The following CMTM4 variants were observed in gnomAD, a reference collection of about 807,000 sequenced individuals.
The protein encoded by CMTM4 is CKLF like MARVEL transmembrane domain containing 4, also known as CKLF-like MARVEL transmembrane domain-containing protein 4.
A neutral mutation model predicts 19.0 loss-of-function variants in CMTM4; 8 were observed. The ratio of observed to expected loss-of-function variants is 0.42; its 90% CI spans 0.25 to 0.76. The LOEUF is 0.76. CMTM4 is among the 30% of genes least tolerant of loss of function. The pLI, the probability that CMTM4 is intolerant of heterozygous loss-of-function variation, is 0.27. For missense variants in CMTM4, 228 were observed against 290.2 expected, an observed-to-expected ratio of 0.79 and a Z score of 1.56; for synonymous variants, 106 against 121.1, an observed-to-expected ratio of 0.88 and a Z score of 0.82.
At chr16:66,694,080 G>C (rs1399855772) in intron 1 of CMTM4, among the ~76,000 whole-genome samples, 1 of 151,808 alleles carries the variant, frequency 6.6e-6, no homozygotes, top group African/African-American at 2.4e-5. Flanking sequence ...GCGCGAGGGA[G>C]AGAAAGAGAA....
chr16:66,630,694 C>T (rs2015839316), intron 2 of CMTM4, among the ~76,000 whole-genome samples: 1 of 152,164 alleles, frequency 6.6e-6, no homozygotes, highest in Admixed American at 6.5e-5. Flanking sequence ...GCTACAACCT[C>T]CACCTCCCAG....
At chr16:66,637,129 A>G (rs995525968) in intron 1 of CMTM4, among the ~76,000 whole-genome samples, 1 of 152,230 alleles carries the variant, frequency 6.6e-6, no homozygotes, top group Non-Finnish European at 1.5e-5. Flanking sequence ...TTTTCCCCCA[A>G]TTAGGTGGGA....
At chr16:66,604,889 C>A in the CMTM4 span, 1 of 1,437,788 alleles carries the variant, frequency 7.0e-7, no homozygotes, top group Non-Finnish European at 9.1e-7. Flanking sequence ...CCGGGCTCCG[C>A]GCCCTGCTGC....
chr16:66,613,402 C>A, downstream of CMTM4: 1 of 414,980 alleles, frequency 2.4e-6, no homozygotes, highest in East Asian at 3.9e-5. Flanking sequence ...CCCAGCCAAA[C>A]CCTCCTTCTT....
chr16:66,680,790 A>C (rs1207391782), intron 1 of CMTM4, among the ~76,000 whole-genome samples: 3 of 150,394 alleles, frequency 2.0e-5, no homozygotes, highest in Admixed American at 6.6e-5. Flanking sequence ...AAAAAAAAAA[A>C]AAAAAAAAAA....
intron 1 of CMTM4, among the ~76,000 whole-genome samples, chr16:66,679,384 A>C (rs1393616700): frequency 6.6e-6 from 1 of 152,162 alleles, no homozygotes; most frequent in Non-Finnish European, 1.5e-5. Context: ...TCCAAGGAGA[A>C]AGAAGAACTG....
downstream of CMTM4, chr16:66,611,040 A>C (rs2015357391): frequency 2.5e-6 from 1 of 397,276 alleles, no homozygotes. Context: ...GGGACCAATT[A>C]GTAAACGTCA....
At chr16:66,669,642 C>G (rs908643216) in intron 1 of CMTM4, among the ~76,000 whole-genome samples, 1 of 151,970 alleles carries the variant, frequency 6.6e-6, no homozygotes, top group African/African-American at 2.4e-5. Flanking sequence ...CCCAGGTTCA[C>G]GCCATTCTCC....
intron 1 of CMTM4, among the ~76,000 whole-genome samples, chr16:66,695,953 G>C (rs983347860): frequency 6.6e-6 from 1 of 152,200 alleles, no homozygotes; most frequent in African/African-American, 2.4e-5. Context: ...GGCACCGTCC[G>C]GAGGTTGCGC....
At chr16:66,675,550 T>C (rs1362942695) in intron 1 of CMTM4, among the ~76,000 whole-genome samples, 1 of 151,724 alleles carries the variant, frequency 6.6e-6, no homozygotes, top group Non-Finnish European at 1.5e-5. Flanking sequence ...CTGGCCCTGC[T>C]GGGCTCCCTG....
chr16:66,666,983 T>G (rs1322243435), intron 1 of CMTM4, among the ~76,000 whole-genome samples: 1 of 152,110 alleles, frequency 6.6e-6, no homozygotes, highest in Non-Finnish European at 1.5e-5. Flanking sequence ...ACTACCTGGG[T>G]GCAATATACC....
At chr16:66,678,012 C>T (rs770162933) in intron 1 of CMTM4, among the ~76,000 whole-genome samples, 8 of 151,970 alleles carry the variant, frequency 5.3e-5, no homozygotes, top group Non-Finnish European at 1.0e-4. Flanking sequence ...GATCTATTTT[C>T]GTGAAGAAAA....
At chr16:66,598,271 T>A in the CMTM4 span, among the ~76,000 whole-genome samples, 5 of 152,182 alleles carry the variant, frequency 3.3e-5, no homozygotes, top group Non-Finnish European at 7.3e-5. Context: ...GGGCTGGGGC[T>A]GGGCTATGAC....
Position 66,615,696 on chromosome 16 carries a change from A to C in CMTM4, c.*6362T>G, listed in dbSNP as rs2015514410. The C allele has an allele frequency of 6.6e-6, 1 of 152,408 alleles. No homozygotes were observed. Among genetic ancestry groups the C allele is most frequent in the East Asian group, 1.9e-4 (1 of 5,186 alleles). The allele number at this position is 152,408 out of a possible 1,614,324, so 9.4% of individuals were successfully genotyped here. ...CTCGCACTGATTCTGGAAGGGGCCC[A>C]GGCCAGAGAATACACTTGGGCTCAG... On this transcript the variant is annotated 3_prime_UTR_variant, in exon 4 of 4. Coordinates refer to ENST00000394106, the MANE Select transcript of CMTM4 (RefSeq NM_181521.3). The surrounding 1 kb of genome is among the most constrained non-coding windows in gnomAD (Gnocchi z 4.9).
intron 1 of CMTM4, among the ~76,000 whole-genome samples, chr16:66,690,471 C>T (rs1646294771): frequency 6.6e-6 from 1 of 152,152 alleles, no homozygotes; most frequent in African/African-American, 2.4e-5. Flanking sequence ...GTAAATGTAG[C>T]TATATTTGTG....
At chr16:66,600,136 G>GGTTTTTTTTTTTTTTTTTTTTTTTT in the CMTM4 span, among the ~76,000 whole-genome samples, 1 of 135,154 alleles carries the variant, frequency 7.4e-6, no homozygotes. Flanking sequence ...GTGTGTGTGT[G>GGTTTTTTTTTTTTTTTTTTTTTTTT]TTTTTTTTTG....
At chr16:66,624,538 G>T (rs185707376) in intron 2 of CMTM4, among the ~76,000 whole-genome samples, 98 of 152,246 alleles carry the variant, frequency 6.4e-4, no homozygotes, top group African/African-American at 2.3e-3. Context: ...AGGCTGAGGC[G>T]GATGGATCAC....
chr16:66,649,944 G>C (rs1219413527), intron 1 of CMTM4, among the ~76,000 whole-genome samples: 6 of 152,184 alleles, frequency 3.9e-5, no homozygotes, highest in African/African-American at 1.4e-4. Context: ...GACTCTCTGT[G>C]CTTAAGGTCT....
Position 66,631,392 on chromosome 16 carries a change from G to A in CMTM4, c.363+5013C>T, listed in dbSNP as rs575265809. Among the ~76,000 whole-genome samples, 97 of 152,124 alleles carry A rather than the reference G, an allele frequency of 6.4e-4. 1 individual carries two copies. The East Asian group carries it at 0.017, about 27-fold the overall frequency. ...CCGGCCGCCCCTACTGGGAAGTGAG[G>A]AGCCCCTCTGCCCGGCCACCACCCC... On this transcript the variant is annotated intron_variant, in intron 2 of 3. Transcript: ENST00000394106.
Sources: gnomAD v4.1 joint callset for allele counts (sites outside exome capture counted in the v4.1 genomes callset) on GRCh38, gnomAD v4.1.1 for gene constraint, Gnocchi (gnomAD v3.1) non-coding constraint, MANE v1.5 for transcripts, NCBI Gene and HGNC (gene_info 2026-07-23, HGNC 2026-07-21) for gene names.